FOXP2: variants seen among roughly 807,000 people sequenced by gnomAD.
The protein encoded by FOXP2 is forkhead box P2.
FOXP2 carries 12 observed loss-of-function variants against 115.8 expected under a neutral mutation model. The ratio of observed to expected loss-of-function variants is 0.10; its 90% CI spans 0.07 to 0.17. FOXP2 has a LOEUF of 0.17. FOXP2 is among the 10% of genes least tolerant of loss of function. The pLI is 1.00. For missense variants in FOXP2, 629 were observed against 843.5 expected (o/e 0.75, Z 3.15); for synonymous variants, 328 against 297.7 (o/e 1.10, Z -1.05).
chr7:114,505,284 C>G (rs1466650749), intron 2 of FOXP2, among the ~76,000 whole-genome samples: 1 of 151,468 alleles, frequency 6.6e-6, no homozygotes, highest in Non-Finnish European at 1.5e-5. Context: ...GTGCTAATTA[C>G]AAATTATTCT....
chr7:114,614,028 A>C (rs922639462), intron 3 of FOXP2: 1 of 152,214 alleles, frequency 6.6e-6, no homozygotes, highest in Non-Finnish European at 1.5e-5. Flanking sequence ...GCCTTAATTA[A>C]TATGTCTGAA....
intron 3 of FOXP2, among the ~76,000 whole-genome samples, chr7:114,550,951 T>G (rs1234801354): frequency 6.6e-6 from 1 of 152,072 alleles, no homozygotes; most frequent in Non-Finnish European, 1.5e-5. Flanking sequence ...TTTCCAATAC[T>G]GCTAGACTAA....
At chr7:114,509,726 T>C (rs912938233) in intron 2 of FOXP2, among the ~76,000 whole-genome samples, 2 of 151,962 alleles carry the variant, frequency 1.3e-5, no homozygotes, top group African/African-American at 4.8e-5. Context: ...ATTTCATAAT[T>C]TTATTTGAGA....
chr7:114,368,387 T>C (rs1285898520), intron 2 of FOXP2, among the ~76,000 whole-genome samples: 1 of 152,164 alleles, frequency 6.6e-6, no homozygotes, highest in African/African-American at 2.4e-5. Context: ...TTATCTGAAA[T>C]AGAGTGCCAT....
chr7:114,368,671 C>A (rs947934501), intron 2 of FOXP2, among the ~76,000 whole-genome samples: 2 of 152,178 alleles, frequency 1.3e-5, no homozygotes, highest in Non-Finnish European at 2.9e-5. Flanking sequence ...GAGAACATTC[C>A]AGACACATAC....
intron 1 of FOXP2, among the ~76,000 whole-genome samples, chr7:114,244,994 C>T (rs945331077): frequency 3.9e-5 from 6 of 152,144 alleles, no homozygotes; most frequent in Non-Finnish European, 7.4e-5. Flanking sequence ...GATCTCCTGA[C>T]CTCGTGATCC....
At chr7:114,265,097 A>G (rs573852795) in intron 1 of FOXP2, among the ~76,000 whole-genome samples, 2 of 152,226 alleles carry the variant, frequency 1.3e-5, no homozygotes, top group Admixed American at 6.5e-5. Flanking sequence ...GTAAAATGCA[A>G]TCATGCCTTT....
chr7:114,612,931 C>A (rs1336341232), intron 3 of FOXP2, among the ~76,000 whole-genome samples: 1 of 152,146 alleles, frequency 6.6e-6, no homozygotes, highest in Non-Finnish European at 1.5e-5. Flanking sequence ...CTGTCACCAA[C>A]CTGACAGTGT....
chr7:114,511,605 A>C (rs1213392015), intron 2 of FOXP2, among the ~76,000 whole-genome samples: 1 of 152,134 alleles, frequency 6.6e-6, no homozygotes, highest in Non-Finnish European at 1.5e-5. Context: ...GATAAGTTAA[A>C]TTTTAGGGAG....
intron 2 of FOXP2, among the ~76,000 whole-genome samples, chr7:114,389,971 C>T (rs1310641813): frequency 7.4e-6 from 1 of 135,836 alleles, no homozygotes; most frequent in Non-Finnish European, 1.5e-5. Context: ...TTGCTGATAG[C>T]TGAGATCGGA....
At chr7:114,436,824 G>A (rs1489538379) in intron 2 of FOXP2, among the ~76,000 whole-genome samples, 1 of 152,054 alleles carries the variant, frequency 6.6e-6, no homozygotes, top group Non-Finnish European at 1.5e-5. Context: ...TGAAGAATGA[G>A]TAGAAGTTAG....
At chr7:114,323,220 A>G (rs1584635827) in intron 2 of FOXP2, among the ~76,000 whole-genome samples, 1 of 152,270 alleles carries the variant, frequency 6.6e-6, no homozygotes, top group East Asian at 1.9e-4. Context: ...TTTTAATTTT[A>G]CAACAAATAT....
At chr7:114,510,745 T>C (rs1325832215) in intron 2 of FOXP2, among the ~76,000 whole-genome samples, 1 of 152,220 alleles carries the variant, frequency 6.6e-6, no homozygotes, top group Non-Finnish European at 1.5e-5. Flanking sequence ...GGAATGCTTT[T>C]ACACTGTTGG....
At chr7:114,503,429 A>G (rs1797656373) in intron 2 of FOXP2, among the ~76,000 whole-genome samples, 1 of 151,734 alleles carries the variant, frequency 6.6e-6, no homozygotes, top group Non-Finnish European at 1.5e-5. Flanking sequence ...TGGCAAAGCC[A>G]AGATCAATGA....
intron 1 of FOXP2, among the ~76,000 whole-genome samples, chr7:114,154,883 T>G (rs1443277962): frequency 6.6e-6 from 1 of 152,142 alleles, no homozygotes; most frequent in African/African-American, 2.4e-5. Flanking sequence ...GAATTTCTTC[T>G]GTAAATTGTG....
At chr7:114,148,834 T>C (rs1221542605) in intron 1 of FOXP2, among the ~76,000 whole-genome samples, 1 of 152,166 alleles carries the variant, frequency 6.6e-6, no homozygotes, top group Non-Finnish European at 1.5e-5. Context: ...ATCTGTCTTC[T>C]TTGCTTCATC....
chr7:114,438,564 AAC>A (rs1794455056), intron 2 of FOXP2, among the ~76,000 whole-genome samples: 1 of 152,020 alleles, frequency 6.6e-6, no homozygotes, highest in South Asian at 2.1e-4. Context: ...CTAGTTTTGA[AAC>A]AGAGAAATAA....
At chr7:114,645,962 A>C (rs1191130392) in intron 8 of FOXP2, 2 of 151,482 alleles carry the variant, frequency 1.3e-5, no homozygotes, top group Non-Finnish European at 2.9e-5. Context: ...TTCTTTTATC[A>C]AAACAGTTGT....
upstream of FOXP2, among the ~76,000 whole-genome samples, chr7:114,087,231 G>T (rs1002040196): frequency 2.0e-5 from 3 of 152,150 alleles, no homozygotes; most frequent in African/African-American, 7.2e-5. Context: ...AGGAAGGAGA[G>T]AGATGGAAAG....
Sources: gnomAD v4.1 joint callset for allele counts (sites outside exome capture counted in the v4.1 genomes callset) on GRCh38, gnomAD v4.1.1 for gene constraint, MANE v1.5 for transcripts, NCBI Gene and HGNC (gene_info 2026-07-23, HGNC 2026-07-21) for gene names.